The following CENPN variants were observed in gnomAD, a reference collection of about 807,000 sequenced individuals.
CENPN encodes interphase centromere complex protein 32.
CENPN carries 36 observed loss-of-function variants against 48.6 expected under a neutral mutation model. The ratio of observed to expected loss-of-function variants is 0.74; its 90% CI spans 0.57 to 0.98. The LOEUF (loss-of-function observed/expected upper bound fraction) is 0.98, where lower values mean the gene tolerates loss of function less well. Ranked by LOEUF, CENPN falls within the 50% of genes least tolerant of loss-of-function variation. CENPN has a pLI of 0.00. For missense variants in CENPN, 439 were observed against 399.2 expected (o/e 1.10, Z -0.85); for synonymous variants, 166 against 135.2 (o/e 1.23, Z -1.58).
chr16:81,014,929 A>T (rs748893757), intron 3 of CENPN, among the ~76,000 whole-genome samples: 1 of 152,308 alleles, frequency 6.6e-6, no homozygotes, highest in East Asian at 1.9e-4. Flanking sequence ...GAGGTATGCA[A>T]CAGTTTATGA....
downstream of CENPN, chr16:81,032,540 A>G: frequency 6.4e-7 from 1 of 1,552,478 alleles, no homozygotes; most frequent in East Asian, 2.3e-5. Context: ...GTCTTTTATC[A>G]GTTGATTTTC....
intron 8 of CENPN, among the ~76,000 whole-genome samples, chr16:81,025,088 A>T (rs1241385928): frequency 6.6e-6 from 1 of 152,206 alleles, no homozygotes; most frequent in Non-Finnish European, 1.5e-5. Context: ...CTTAATCTTC[A>T]CAGTAGTCCT....
downstream of CENPN, chr16:81,032,587 C>G: frequency 1.2e-6 from 2 of 1,609,624 alleles, no homozygotes; most frequent in Non-Finnish European, 1.7e-6. Flanking sequence ...TTGCAGGATC[C>G]AAAAGCTGCT....
chr16:81,014,071 T>C, intron 2 of CENPN, 65 bp from the exon 3 acceptor site: 1 of 1,323,682 alleles, frequency 7.6e-7, no homozygotes, highest in Non-Finnish European at 1.1e-6. Context: ...TCCTAAAATG[T>C]GTTTTAAACG....
In CENPN at chr16:81,020,560, A is replaced by G. The variant is rs558857461; in HGVS notation, c.531+284A>G. 5 of 264,300 alleles carry G rather than the reference A, an allele frequency of 1.9e-5. No individual in the cohort carries two copies. In the East Asian group the frequency reaches 3.6e-4, roughly 19 times the overall value. The allele number at this position is 264,300 out of a possible 1,614,324, so 16.4% of individuals were successfully genotyped here. ...ATGTAATTCTTGTTCTCCTAAAATA[A>G]GAAACAGAGTGTTGTTATCTGCAGA... On this transcript the variant is annotated intron_variant, in intron 6 of 10. Coordinates refer to ENST00000305850, the MANE Select transcript of CENPN (RefSeq NM_001100624.3).
Position 81,029,424 on chromosome 16 carries a change from G to C in CENPN, c.*773G>C. On this transcript the variant is annotated 3_prime_UTR_variant, in exon 11 of 11. Transcript: ENST00000305850. The stretch of plus-strand genomic sequence containing the variant: ...ATTTCTTTATTTATTTATTGAGACA[G>C]GGTCTCACTGTGTCACCCAAGCTGG... 3 of 458,494 alleles carry C rather than the reference G, an allele frequency of 6.5e-6. No individual in the cohort carries two copies. The highest frequency in any genetic ancestry group is 8.6e-6 in the Non-Finnish European group (3 of 348,606). 28.4% of individuals were successfully genotyped at this position (458,494 alleles called of 1,614,324 possible).
At chr16:81,027,613 G>C (rs1030557916) in intron 9 of CENPN, among the ~76,000 whole-genome samples, 6 of 152,224 alleles carry the variant, frequency 3.9e-5, no homozygotes. Context: ...CCTGAGGGTG[G>C]AACTGACAGT....
At position 81,030,229 on chromosome 16, in the gene CENPN, C is replaced by T. The variant is rs1970709664; in HGVS notation, c.*1578C>T. The T allele has an allele frequency of 1.0e-6, 1 of 985,448 alleles. No individual in the cohort carries two copies. Among genetic ancestry groups the T allele is most frequent in the Non-Finnish European group, 1.2e-6 (1 of 829,930 alleles). The allele number at this position is 985,448 out of a possible 1,614,324, so 61.0% of individuals were successfully genotyped here. A position where few individuals can be genotyped will look rare whatever the true frequency, so the allele number is the denominator to read the frequency against. On this transcript the variant is annotated 3_prime_UTR_variant, in exon 11 of 11. Coordinates refer to ENST00000305850, the MANE Select transcript of CENPN (RefSeq NM_001100624.3). Reference sequence around the variant, plus strand: ...ATATCACAGGCATGAGCTACCACGCCCGCCAGCATGTCTTTTTTAAACATT... The same window carrying T: ...ATATCACAGGCATGAGCTACCACGCTCGCCAGCATGTCTTTTTTAAACATT...
In CENPN at chr16:81,030,876, C is replaced by G. The variant is rs1462394727; in HGVS notation, c.*2225C>G. ...CTTAGCAACATGGTGAAGGTGAACCCCGACTCTACTAAAAATACAAAAATT... is the reference window on the plus strand; with the variant it reads ...CTTAGCAACATGGTGAAGGTGAACCGCGACTCTACTAAAAATACAAAAATT... On this transcript the variant is annotated 3_prime_UTR_variant, in exon 11 of 11. Transcript: ENST00000305850. 6.6e-6 allele frequency: 1 copy of G among 151,828 alleles called. No individual in the cohort carries two copies. Among genetic ancestry groups the G allele is most frequent in the East Asian group, 1.9e-4 (1 of 5,170 alleles). 9.4% of individuals were successfully genotyped at this position (151,828 alleles called of 1,614,324 possible).
At chr16:81,024,328 A>C (rs1392220079) in intron 7 of CENPN, 1 of 154,478 alleles carries the variant, frequency 6.5e-6, no homozygotes, top group Non-Finnish European at 1.4e-5. Flanking sequence ...GGGTGAAGGT[A>C]GGAGAAGGGG....
Position 81,029,267 on chromosome 16 carries a change from A to C in CENPN, c.*616A>C. 1 of 911,800 alleles carries C rather than the reference A, an allele frequency of 1.1e-6. No individual in the cohort carries two copies. Among genetic ancestry groups the C allele is most frequent in the Non-Finnish European group, 1.3e-6 (1 of 762,938 alleles). 56.5% of individuals were successfully genotyped at this position (911,800 alleles called of 1,614,324 possible). Reference sequence around the variant, plus strand: ...TATTTTATCATGTGTATAACATTCAAACTGACAAATATATTGACTTATGAA... The same window carrying C: ...TATTTTATCATGTGTATAACATTCACACTGACAAATATATTGACTTATGAA... On this transcript the variant is annotated 3_prime_UTR_variant, in exon 11 of 11. Transcript: ENST00000305850.
In CENPN at chr16:81,029,097, C is replaced by G. The variant is rs1970651183; in HGVS notation, c.*446C>G. On this transcript the variant is annotated 3_prime_UTR_variant, in exon 11 of 11. Coordinates refer to ENST00000305850, the MANE Select transcript of CENPN (RefSeq NM_001100624.3). ...AAGCAACAAGGAACTATACTCAACT[C>G]AAAACTTTTTAGGAGAATCATGAAA... 3.0e-6 allele frequency: 3 copies of G among 985,754 alleles called. No homozygotes were observed. Among genetic ancestry groups the G allele is most frequent in the Non-Finnish European group, 3.6e-6 (3 of 830,296 alleles). 61.1% of individuals were successfully genotyped at this position (985,754 alleles called of 1,614,324 possible). A position where few individuals can be genotyped will look rare whatever the true frequency, so the allele number is the denominator to read the frequency against.
At chr16:81,020,746 A>G (rs1046726078) in intron 6 of CENPN, among the ~76,000 whole-genome samples, 5 of 152,174 alleles carry the variant, frequency 3.3e-5, no homozygotes, top group African/African-American at 7.2e-5. Flanking sequence ...CGTTCGTTCA[A>G]AATAACTACT....
chr16:81,012,092 C>G lies in CENPN; in HGVS notation c.153C>G (p.His51Gln), dbSNP rs556863779. The G allele has an allele frequency of 1.2e-5, 19 of 1,614,096 alleles. No homozygotes were observed. In the African/African-American group the frequency reaches 2.3e-4, roughly 19 times the overall value. The change falls in exon 2 of 11, where the codon CAC (histidine) becomes CAG (glutamine). Residue 51 changes from histidine to glutamine, a missense_variant. Coordinates refer to ENST00000305850, the MANE Select transcript of CENPN (RefSeq NM_001100624.3). ...FRQRKESVVQ[H>Q]LIHLCEEKRA... ...AGAGAAAGGAATCTGTAGTTCAGCA[C>G]TTGATCCATCTGTGTGAGGTAACAG... is the stretch of plus-strand genomic sequence containing the variant.
intron 1 of CENPN, among the ~76,000 whole-genome samples, chr16:81,010,410 A>T (rs944948054): frequency 6.6e-6 from 1 of 152,090 alleles, no homozygotes; most frequent in African/African-American, 2.4e-5. Flanking sequence ...TCTTCTGGAG[A>T]TTATATCCCT....
At chr16:81,026,105 GTA>G (rs1230932976) in intron 8 of CENPN, among the ~76,000 whole-genome samples, 149 of 143,880 alleles carry the variant, frequency 1.0e-3, no homozygotes, top group Non-Finnish European at 1.3e-3. Context: ...ATATGTGTGT[GTA>G]TATATATATG....
chr16:81,026,662 A>C, intron 9 of CENPN, 24 bp downstream of exon 9: 1 of 1,144,486 alleles, frequency 8.7e-7, no homozygotes, highest in Non-Finnish European at 1.3e-6. Flanking sequence ...ATAAATATTA[A>C]GTACAAGATA....
At chr16:81,017,979 A>C in intron 5 of CENPN, 145 bp downstream of exon 5, 1 of 570,488 alleles carries the variant, frequency 1.8e-6, no homozygotes, top group Non-Finnish European at 3.1e-6. Context: ...TCAGAAACAC[A>C]CTGTAAATAT....
Position 81,012,012 on chromosome 16 carries a change from C to T in CENPN, c.73C>T (p.Leu25=), listed in dbSNP as rs760881931. The part of the protein sequence containing the change: ...KIPMNELTTI[L]KAWDFLSENQ... ...CCCCATGAATGAACTGACAACAATC[C>T]TGAAGGCCTGGGATTTTTTGTCTGA... is the stretch of plus-strand genomic sequence containing the variant. The change falls in exon 2 of 11, where the codon CTG becomes TTG. Residue 25 remains leucine, a synonymous_variant. Coordinates refer to ENST00000305850, the MANE Select transcript of CENPN (RefSeq NM_001100624.3). 1 of 1,614,032 alleles carries T rather than the reference C, an allele frequency of 6.2e-7. No individual in the cohort carries two copies. Among genetic ancestry groups the T allele is most frequent in the Non-Finnish European group, 8.5e-7 (1 of 1,179,948 alleles).
Sources: gnomAD v4.1 joint callset for allele counts (sites outside exome capture counted in the v4.1 genomes callset) on GRCh38, gnomAD v4.1.1 for gene constraint, MANE v1.5 for transcripts, NCBI Gene and HGNC (gene_info 2026-07-23, HGNC 2026-07-21) for gene names.